The following SLC9A9 variants were observed in gnomAD, a reference collection of about 807,000 sequenced individuals.
SLC9A9 encodes solute carrier family 9 member A9.
Under a neutral mutation model 77.8 loss-of-function variants are expected in SLC9A9, and 62 were observed. The observed-to-expected ratio is 0.80, with a 90% CI of 0.65 to 0.98. The LOEUF is 0.98. SLC9A9 is among the 50% of genes least tolerant of loss of function. The pLI, the probability that SLC9A9 is intolerant of heterozygous loss-of-function variation, is 0.00. For synonymous variants in SLC9A9, 320 were observed against 283.5 expected (o/e 1.13, Z -1.29); for missense variants, 775 against 774.9 (o/e 1.00, Z 0.00).
chr3:143,527,701 A>G (rs2036428173), intron 9 of SLC9A9, among the ~76,000 whole-genome samples: 1 of 152,224 alleles, frequency 6.6e-6, no homozygotes, highest in African/African-American at 2.4e-5. Context: ...TCAAGACTCA[A>G]GACTCTTCAA....
At position 143,796,842 on chromosome 3, in the gene SLC9A9, C is replaced by T. The variant is rs961066015; in HGVS notation, c.440G>A (p.Gly147Glu). The T allele has an allele frequency of 3.1e-6, 5 of 1,609,170 alleles. No individual in the cohort carries two copies. Among genetic ancestry groups the T allele is most frequent in the Middle Eastern group, 1.7e-4 (1 of 6,028 alleles). Residue 147 changes from glycine (G) to glutamate (E), a missense_variant, in exon 3 of 16, where the codon GGA becomes GAA. Physicochemically the swap from Gly to Glu is moderately conservative, Grantham distance 98. Coordinates refer to ENST00000316549, the MANE Select transcript of SLC9A9 (RefSeq NM_173653.4). ...TATATTTACCTTCTTTAGACTATAT[C>T]CTGCATGAAATATAATTGGTGGCAG... ...VLLPPIIFHA[G>E]YSLKKRHFFQ...
chr3:143,435,465 G>A (rs1202886328), intron 12 of SLC9A9, among the ~76,000 whole-genome samples: 1 of 152,158 alleles, frequency 6.6e-6, no homozygotes, highest in Non-Finnish European at 1.5e-5. Flanking sequence ...CTATTAAAAT[G>A]TGGCTTATAT....
intron 14 of SLC9A9, chr3:143,314,278 C>G (rs547920039): frequency 4.6e-5 from 7 of 152,496 alleles, no homozygotes; most frequent in Middle Eastern, 3.4e-3. Flanking sequence ...GGATCACAAA[C>G]TGCTGTATCT....
intron 11 of SLC9A9, among the ~76,000 whole-genome samples, chr3:143,477,311 C>T (rs2035492540): frequency 6.6e-6 from 1 of 150,570 alleles, no homozygotes; most frequent in Non-Finnish European, 1.5e-5. Flanking sequence ...ATATCAAAAT[C>T]ACCTGAAGGG....
chr3:143,348,354 T>C (rs1263566240), intron 14 of SLC9A9, among the ~76,000 whole-genome samples: 2 of 152,220 alleles, frequency 1.3e-5, no homozygotes, highest in Admixed American at 1.3e-4. Flanking sequence ...TTTCTTTCAT[T>C]TTCATGTAAG....
intron 4 of SLC9A9, among the ~76,000 whole-genome samples, chr3:143,734,626 C>T (rs542927537): frequency 4.7e-5 from 7 of 150,268 alleles, no homozygotes; most frequent in South Asian, 2.1e-4. Flanking sequence ...CCCAGCTACT[C>T]GGGAGGCTGA....
rs577894999 is a variant in SLC9A9 at position 143,808,420 on chromosome 3, A to C, written c.379-11517T>G. Among the ~76,000 whole-genome samples, 5 of 152,328 alleles carry C rather than the reference A, an allele frequency of 3.3e-5. No individual in the cohort carries two copies. In the East Asian group the frequency reaches 7.7e-4, roughly 23 times the overall value. ...TAATTTATTTTCAGAAAATCAATCT[A>C]ATTCTACTAGGTTTTGTATTTTATA... On this transcript the variant is annotated intron_variant, in intron 2 of 15. Coordinates refer to ENST00000316549, the MANE Select transcript of SLC9A9 (RefSeq NM_173653.4).
rs148440947 is a variant in SLC9A9 at position 143,422,226 on chromosome 3, A to T, written c.1470-40112T>A. Among the ~76,000 whole-genome samples the T allele has an allele frequency of 2.7e-3, 405 of 152,312 alleles. 2 individuals carry two copies. The highest frequency in any genetic ancestry group is 9.3e-3 in the African/African-American group (388 of 41,578). On this transcript the variant is annotated intron_variant, in intron 12 of 15. Transcript: ENST00000316549. ...CTTAAGACAGAACTACCAAATGGTT[A>T]TCCCAGCAATCCTGTTACTAGGTAT...
chr3:143,836,772 T>G (rs1336768231), intron 1 of SLC9A9, among the ~76,000 whole-genome samples: 1 of 152,214 alleles, frequency 6.6e-6, no homozygotes, highest in Non-Finnish European at 1.5e-5. Context: ...TATTATGTGT[T>G]CATGCCACAG....
chr3:143,419,454 C>T (rs903121550), intron 12 of SLC9A9, among the ~76,000 whole-genome samples: 1 of 152,176 alleles, frequency 6.6e-6, no homozygotes, highest in Non-Finnish European at 1.5e-5. Context: ...ATTTGTGTTT[C>T]TTTAAAATAT....
At chr3:143,532,921 C>T (rs1287005396) in intron 9 of SLC9A9, among the ~76,000 whole-genome samples, 1 of 152,188 alleles carries the variant, frequency 6.6e-6, no homozygotes, top group Non-Finnish European at 1.5e-5. Flanking sequence ...CTTTAGGTCT[C>T]AGCTGAAGAG....
At chr3:143,818,210 A>G (rs189892910) in intron 2 of SLC9A9, among the ~76,000 whole-genome samples, 2 of 152,370 alleles carry the variant, frequency 1.3e-5, no homozygotes, top group East Asian at 3.9e-4. Context: ...AATGAAAATC[A>G]CATATATTTT....
intron 7 of SLC9A9, among the ~76,000 whole-genome samples, chr3:143,575,299 A>C (rs1175452947): frequency 6.6e-6 from 1 of 152,204 alleles, no homozygotes; most frequent in Non-Finnish European, 1.5e-5. Context: ...AGCATTTGGA[A>C]GCCAATTCTA....
chr3:143,463,593 G>A (rs1024170532), intron 12 of SLC9A9, among the ~76,000 whole-genome samples: 2 of 152,166 alleles, frequency 1.3e-5, no homozygotes, highest in South Asian at 4.1e-4. Context: ...GTATTCCACA[G>A]AAGGGAGGAG....
intron 6 of SLC9A9, among the ~76,000 whole-genome samples, chr3:143,644,552 C>T (rs528733881): frequency 1.3e-5 from 2 of 152,296 alleles, no homozygotes; most frequent in African/African-American, 4.8e-5. Flanking sequence ...GAAAAACAAA[C>T]AAGACAGCAG....
intron 6 of SLC9A9, among the ~76,000 whole-genome samples, chr3:143,634,648 A>G (rs770756185): frequency 3.9e-5 from 6 of 152,028 alleles, no homozygotes; most frequent in Non-Finnish European, 7.4e-5. Flanking sequence ...CTTGATGTTT[A>G]TTGCTTCACA....
At chr3:143,509,547 GA>G (rs2036079985) in intron 9 of SLC9A9, among the ~76,000 whole-genome samples, 1 of 152,126 alleles carries the variant, frequency 6.6e-6, no homozygotes, top group African/African-American at 2.4e-5. Context: ...TACAGTGTAA[GA>G]GTGTATTTCT....
At chr3:143,513,858 A>G (rs61511523) in intron 9 of SLC9A9, among the ~76,000 whole-genome samples, 3,091 of 152,292 alleles carry the variant, frequency 0.02, 99 homozygotes, top group African/African-American at 0.069. Flanking sequence ...ATTATACTTT[A>G]AGTTCTAGGG....
intron 6 of SLC9A9, among the ~76,000 whole-genome samples, chr3:143,605,395 A>G (rs907430448): frequency 2.6e-5 from 4 of 152,260 alleles, no homozygotes; most frequent in Non-Finnish European, 5.9e-5. Flanking sequence ...TGTGGAACCC[A>G]GGAGAATGAT....
Sources: gnomAD v4.1 joint callset for allele counts (sites outside exome capture counted in the v4.1 genomes callset) on GRCh38, gnomAD v4.1.1 for gene constraint, MANE v1.5 for transcripts, NCBI Gene and HGNC (gene_info 2026-07-23, HGNC 2026-07-21) for gene names.